Variants in MAPRE1 observed in about 807,000 individuals in gnomAD.
MAPRE1 encodes the protein microtubule associated protein RP/EB family member 1.
Under a neutral mutation model 32.1 loss-of-function variants are expected in MAPRE1, and 5 were observed. The observed-to-expected ratio is 0.16, with a 90% CI of 0.08 to 0.33. The LOEUF is 0.33. Among genes scored for constraint, MAPRE1 ranks in the 10% least tolerant of loss-of-function variants. The pLI, the probability that MAPRE1 is intolerant of heterozygous loss-of-function variation, is 1.00. For missense variants in MAPRE1, 209 were observed against 327.2 expected (o/e 0.64, Z 2.79); for synonymous variants, 122 against 118.9 (o/e 1.03, Z -0.17).
intron 5 of MAPRE1, among the ~76,000 whole-genome samples, chr20:32,846,223 G>T (rs2146141263): frequency 1.3e-5 from 2 of 152,238 alleles, no homozygotes; most frequent in African/African-American, 4.8e-5. Context: ...CCTTTCCAGG[G>T]TCCTTTCTAT....
At chr20:32,820,491 A>G (rs1982664995) in intron 1 of MAPRE1, among the ~76,000 whole-genome samples, 1 of 152,072 alleles carries the variant, frequency 6.6e-6, no homozygotes, top group Admixed American at 6.5e-5. Context: ...CAGGTGCTTT[A>G]ACCGCTGTGG....
intron 6 of MAPRE1, 145 bp downstream of exon 6, chr20:32,846,915 G>T: frequency 3.6e-6 from 3 of 831,732 alleles, no homozygotes; most frequent in Admixed American, 2.3e-5. Context: ...GGGCATCTCT[G>T]CCCAGCTTTA....
At chr20:32,832,099 G>C (rs1009688981) in intron 2 of MAPRE1, among the ~76,000 whole-genome samples, 1 of 152,094 alleles carries the variant, frequency 6.6e-6, no homozygotes, top group African/African-American at 2.4e-5. Context: ...CCCTGCTCTC[G>C]TTTATGTTGA....
intron 5 of MAPRE1, among the ~76,000 whole-genome samples, chr20:32,844,550 G>C (rs1983453188): frequency 6.8e-6 from 1 of 146,292 alleles, no homozygotes; most frequent in Non-Finnish European, 1.5e-5. Context: ...GAGTAGGTGG[G>C]ACTACAGGTG....
intron 2 of MAPRE1, among the ~76,000 whole-genome samples, chr20:32,829,281 A>G (rs777624624): frequency 5.3e-5 from 8 of 152,218 alleles, no homozygotes; most frequent in Non-Finnish European, 1.0e-4. Flanking sequence ...AGAAAAGGGT[A>G]AGTGCAGGAC....
At chr20:32,820,860 A>G (rs1387795729) in intron 1 of MAPRE1, among the ~76,000 whole-genome samples, 3 of 152,176 alleles carry the variant, frequency 2.0e-5, no homozygotes, top group Non-Finnish European at 2.9e-5. Context: ...AGGTTATGCT[A>G]GGCCGGGCAT....
At chr20:32,839,948 C>T (rs771422902) in intron 5 of MAPRE1, 92 bp downstream of exon 5, 168 of 1,547,816 alleles carry the variant, frequency 1.1e-4, no homozygotes, top group Non-Finnish European at 1.4e-4. Flanking sequence ...TAAATGAACA[C>T]CTGCCTTGTT....
In MAPRE1 at chr20:32,849,146, GCT is replaced by G. The variant is rs1321256544; in HGVS notation, c.*419_*420del. ...AATGCCTTAAGAGTATTTAAAATAT[GCT>G]TCCACATTTCAAAATATAAAATGTA... On this transcript the variant is annotated 3_prime_UTR_variant, in exon 7 of 7. Transcript: ENST00000375571. The G allele has an allele frequency of 4.5e-5, 7 of 154,068 alleles. No individual in the cohort carries two copies. The highest frequency in any genetic ancestry group is 7.2e-5 in the Non-Finnish European group (5 of 69,054). The allele number at this position is 154,068 out of a possible 1,614,324, so 9.5% of individuals were successfully genotyped here. A position where few individuals can be genotyped will look rare whatever the true frequency, so the allele number is the denominator to read the frequency against.
intron 2 of MAPRE1, among the ~76,000 whole-genome samples, chr20:32,829,715 T>C (rs1982965797): frequency 6.6e-6 from 1 of 152,246 alleles, no homozygotes; most frequent in African/African-American, 2.4e-5. Context: ...ATCTGCCTGC[T>C]GCCTGTGAAG....
chr20:32,838,954 A>G (rs1014458182), intron 4 of MAPRE1, among the ~76,000 whole-genome samples: 2 of 152,194 alleles, frequency 1.3e-5, no homozygotes, highest in Non-Finnish European at 2.9e-5. Flanking sequence ...GGTTTAGCCC[A>G]TTCTTGATTA....
Position 32,844,439 on chromosome 20 carries a change from C to CTTTTTTTTTTTTTTTTT in MAPRE1, c.598-2164_598-2148dup, listed in dbSNP as rs71190880. Reference sequence around the variant, plus strand: ...CTAGGTGGATACCAAGCTAGCATTCCTTTTTTTTTTTTTTTTTTTTTTTTT... The same window carrying CTTTTTTTTTTTTTTTTT: ...CTAGGTGGATACCAAGCTAGCATTCCTTTTTTTTTTTTTTTTTTTTTTTTTTTTTTTTTTTTTTTTTT... On this transcript the variant is annotated intron_variant, in intron 5 of 6. Coordinates refer to ENST00000375571, the MANE Select transcript of MAPRE1 (RefSeq NM_012325.3). Among the ~76,000 whole-genome samples the CTTTTTTTTTTTTTTTTT allele has an allele frequency of 3.3e-4, 17 of 52,048 alleles. 4 individuals carry two copies. Among genetic ancestry groups the CTTTTTTTTTTTTTTTTT allele is most frequent in the Admixed American group, 7.5e-4 (2 of 2,666 alleles). 34.1% of individuals were successfully genotyped at this position (52,048 alleles called of 152,430 possible). A position where few individuals can be genotyped will look rare whatever the true frequency, so the allele number is the denominator to read the frequency against.
rs1291509391 is a variant in MAPRE1, at chr20:32,836,765, A to G, written c.399A>G (p.Gln133=). The change falls in exon 4 of 7, where the codon CAA becomes CAG. Residue 133 remains glutamine, a synonymous_variant. Transcript: ENST00000375571. The stretch of plus-strand genomic sequence containing the variant: ...ACCCTGTGGCTGCCAGACAAGGTCA[A>G]GAAACTGCAGTGGCTCCTTCCCTTG... ...DYDPVAARQG[Q]ETAVAPSLVA... is the part of the protein sequence containing the mutation. 1.9e-6 allele frequency: 3 copies of G among 1,614,228 alleles called. No individual in the cohort carries two copies. The highest frequency in any genetic ancestry group is 1.7e-5 in the Admixed American group (1 of 60,018).
Position 32,839,771 on chromosome 20 carries a change from C to A in MAPRE1, c.512C>A (p.Ala171Glu), listed in dbSNP as rs199851862. 3.1e-6 allele frequency: 5 copies of A among 1,614,150 alleles called. No individual in the cohort carries two copies. Among genetic ancestry groups the A allele is most frequent in the South Asian group, 1.1e-5 (1 of 91,084 alleles). ...QRPISTQRTA[A>E]APKAGPGVVR... ...CCCATCTCAACACAGAGAACCGCTG[C>A]GGCTCCTAAGGCTGGCCCTGGTGTG... The change falls in exon 5 of 7, where the codon GCG (alanine) becomes GAG (glutamate). Residue 171 changes from alanine (A) to glutamate (E), a missense_variant. Coordinates refer to ENST00000375571, the MANE Select transcript of MAPRE1 (RefSeq NM_012325.3).
At chr20:32,841,202 A>T (rs981588550) in intron 5 of MAPRE1, among the ~76,000 whole-genome samples, 1 of 152,296 alleles carries the variant, frequency 6.6e-6, no homozygotes, top group Admixed American at 6.5e-5. Flanking sequence ...CACCGTCCTC[A>T]TCCTTGGAGT....
chr20:32,820,867 G>C (rs1489824873), intron 1 of MAPRE1, among the ~76,000 whole-genome samples: 2 of 152,172 alleles, frequency 1.3e-5, no homozygotes, highest in African/African-American at 4.8e-5. Flanking sequence ...GCTAGGCCGG[G>C]CATCCGCTTC....
At chr20:32,823,009 A>G (rs770594864) in intron 1 of MAPRE1, among the ~76,000 whole-genome samples, 2 of 152,182 alleles carry the variant, frequency 1.3e-5, no homozygotes, top group Non-Finnish European at 2.9e-5. Flanking sequence ...TTGCTTTCTG[A>G]CAAGTTTATA....
chr20:32,824,797 G>A (rs1322253630), intron 1 of MAPRE1, among the ~76,000 whole-genome samples: 2 of 151,746 alleles, frequency 1.3e-5, no homozygotes, highest in Non-Finnish European at 2.9e-5. Context: ...AGTGTGCCTG[G>A]CCTAGGTATA....
chr20:32,820,808 C>G (rs1044088273), intron 1 of MAPRE1, among the ~76,000 whole-genome samples: 3 of 149,294 alleles, frequency 2.0e-5, no homozygotes, highest in African/African-American at 7.3e-5. Flanking sequence ...AGCTTGACCT[C>G]TGCCCCATTT....
At chr20:32,838,742 C>T (rs982365803) in intron 4 of MAPRE1, among the ~76,000 whole-genome samples, 3 of 152,166 alleles carry the variant, frequency 2.0e-5, no homozygotes, top group African/African-American at 4.8e-5. Flanking sequence ...TGAGTGGAGA[C>T]GTGCATTAAG....
Sources: gnomAD v4.1 joint callset for allele counts (sites outside exome capture counted in the v4.1 genomes callset) on GRCh38, gnomAD v4.1.1 for gene constraint, MANE v1.5 for transcripts, NCBI Gene and HGNC (gene_info 2026-07-23, HGNC 2026-07-21) for gene names.